Variants in SCOC observed in about 807,000 individuals in gnomAD.
SCOC encodes short coiled coil protein.
Under a neutral mutation model 9.9 loss-of-function variants are expected in SCOC, and 7 were observed. The ratio of observed to expected loss-of-function variants is 0.71; its 90% CI spans 0.40 to 1.33. The LOEUF is 1.33. Among genes scored for constraint, SCOC ranks in the 40% most tolerant of loss-of-function variants. The pLI is 0.01. For missense variants in SCOC, 66 were observed against 89.7 expected, an observed-to-expected ratio of 0.74 and a Z score of 1.07; for synonymous variants, 19 against 28.2, an observed-to-expected ratio of 0.67 and a Z score of 1.03.
At chr4:140,319,671 T>C (rs941154986) in intron 1 of SCOC, among the ~76,000 whole-genome samples, 1 of 152,052 alleles carries the variant, frequency 6.6e-6, no homozygotes, top group Non-Finnish European at 1.5e-5. Context: ...GCTGGAGAAA[T>C]TTAAAATTCT....
Position 140,384,099 on chromosome 4 carries a change from CTT to C in SCOC, c.*2997_*2998del, listed in dbSNP as rs1250361098. 1 of 152,172 alleles carries C rather than the reference CTT, an allele frequency of 6.6e-6. No homozygotes were observed. Among genetic ancestry groups the C allele is most frequent in the African/African-American group, 2.4e-5 (1 of 41,440 alleles). 9.4% of individuals were successfully genotyped at this position (152,172 alleles called of 1,614,324 possible). On this transcript the variant is annotated 3_prime_UTR_variant, in exon 4 of 4. Coordinates refer to ENST00000608372, the MANE Select transcript of SCOC (RefSeq NM_001153484.2). ...TTTCATGAGGTTCCTTGTATCAAAACTTTGTCTATTCCCTTCTATCTTTGCTT... is the reference window on the plus strand; with the variant it reads ...TTTCATGAGGTTCCTTGTATCAAAACTGTCTATTCCCTTCTATCTTTGCTT...
At chr4:140,263,860 A>G (rs1189057577) in intron 1 of SCOC, among the ~76,000 whole-genome samples, 1 of 152,204 alleles carries the variant, frequency 6.6e-6, no homozygotes, top group African/African-American at 2.4e-5. Flanking sequence ...GCTTAGAAAG[A>G]GAAACAGGAC....
intron 2 of SCOC, chr4:140,343,746 A>T: frequency 7.3e-7 from 1 of 1,363,750 alleles, no homozygotes; most frequent in Non-Finnish European, 1.0e-6. Flanking sequence ...ACATACATTC[A>T]ACAACAGCTC....
At chr4:140,273,909 C>T (rs1002463072) in intron 1 of SCOC, among the ~76,000 whole-genome samples, 1 of 152,180 alleles carries the variant, frequency 6.6e-6, no homozygotes, top group Non-Finnish European at 1.5e-5. Flanking sequence ...ATTATAATTA[C>T]TTTTCTTCTG....
intron 1 of SCOC, among the ~76,000 whole-genome samples, chr4:140,322,885 C>T (rs1422955752): frequency 2.2e-4 from 33 of 152,012 alleles, no homozygotes; most frequent in Admixed American, 2.0e-3. Flanking sequence ...AGAATGGCCC[C>T]GAAGGCATTT....
At chr4:140,377,523 ATTAT>A (rs1294389655) in intron 1 of SCOC, among the ~76,000 whole-genome samples, 2 of 152,186 alleles carry the variant, frequency 1.3e-5, no homozygotes, top group Non-Finnish European at 2.9e-5. Context: ...TTTGTAGTTA[ATTAT>A]TTAATAATGT....
At chr4:140,312,050 A>T (rs763196049) in intron 1 of SCOC, among the ~76,000 whole-genome samples, 1 of 152,208 alleles carries the variant, frequency 6.6e-6, no homozygotes, top group Middle Eastern at 3.2e-3. Context: ...GCAAATATGA[A>T]TTGGGATTTA....
intron 1 of SCOC, among the ~76,000 whole-genome samples, chr4:140,316,597 G>A (rs1208981216): frequency 6.6e-6 from 1 of 152,104 alleles, no homozygotes; most frequent in African/African-American, 2.4e-5. Context: ...TGGAAAAAGG[G>A]AGTGAGTGTG....
intron 2 of SCOC, among the ~76,000 whole-genome samples, chr4:140,360,058 G>C (rs1164960422): frequency 6.6e-6 from 1 of 152,158 alleles, no homozygotes; most frequent in African/African-American, 2.4e-5. Flanking sequence ...AAGACTGACA[G>C]GTCCCTTGAG....
At chr4:140,347,203 G>A (rs1041527505) in intron 2 of SCOC, among the ~76,000 whole-genome samples, 3 of 152,046 alleles carry the variant, frequency 2.0e-5, no homozygotes, top group South Asian at 2.1e-4. Context: ...ACATAACAAT[G>A]TTAATAAGAT....
intron 2 of SCOC, among the ~76,000 whole-genome samples, chr4:140,345,218 A>G (rs1726680705): frequency 6.6e-6 from 1 of 151,700 alleles, no homozygotes; most frequent in African/African-American, 2.4e-5. Flanking sequence ...TGGTAGTGAG[A>G]GTGCCGGCAA....
intron 1 of SCOC, chr4:140,291,621 C>T (rs946038845): frequency 1.2e-5 from 5 of 413,566 alleles, no homozygotes; most frequent in African/African-American, 1.0e-4. Flanking sequence ...AAATCAATGA[C>T]CATGTACCAT....
chr4:140,258,769 C>A (rs1560671129), intron 1 of SCOC, among the ~76,000 whole-genome samples: 3 of 152,164 alleles, frequency 2.0e-5, no homozygotes, highest in Non-Finnish European at 4.4e-5. Context: ...GGAACCAAAT[C>A]CAGTGTAGAA....
In SCOC at chr4:140,288,262, T is replaced by C. The variant is rs75405550; in HGVS notation, c.-19+30852T>C. Among the ~76,000 whole-genome samples, 766 of 152,002 alleles carry C rather than the reference T, an allele frequency of 5.0e-3. 3 individuals carry two copies. The highest frequency in any genetic ancestry group is 6.9e-3 in the Non-Finnish European group (468 of 67,968). ...CACACCCACAATTCTATACATACTA[T>C]GTACACGTAGACAAACACATCATAT... is the stretch of plus-strand genomic sequence containing the variant. On this transcript the variant is annotated intron_variant, in intron 1 of 4. Coordinates refer to the SCOC transcript ENST00000394205.
intron 1 of SCOC, among the ~76,000 whole-genome samples, chr4:140,305,097 A>G (rs1381971241): frequency 6.6e-6 from 1 of 152,224 alleles, no homozygotes; most frequent in African/African-American, 2.4e-5. Flanking sequence ...GTACTGAAGG[A>G]AAAACAACCG....
At chr4:140,310,980 T>C (rs890972751) in intron 1 of SCOC, among the ~76,000 whole-genome samples, 3 of 152,232 alleles carry the variant, frequency 2.0e-5, no homozygotes, top group Non-Finnish European at 2.9e-5. Flanking sequence ...TTGAGTGAGA[T>C]GTACCAAGTG....
intron 1 of SCOC, among the ~76,000 whole-genome samples, chr4:140,283,469 T>A (rs896074761): frequency 9.9e-5 from 15 of 152,244 alleles, no homozygotes; most frequent in Middle Eastern, 3.4e-3. Flanking sequence ...ATTTTTTTTT[T>A]AAATGTCCTT....
intron 2 of SCOC, chr4:140,366,518 C>G: frequency 1.9e-6 from 3 of 1,563,098 alleles, no homozygotes; most frequent in Non-Finnish European, 2.6e-6. Context: ...TTCCTCATTG[C>G]CTTCATAACT....
chr4:140,278,726 A>G (rs1731038604), intron 1 of SCOC, among the ~76,000 whole-genome samples: 1 of 152,200 alleles, frequency 6.6e-6, no homozygotes, highest in Non-Finnish European at 1.5e-5. Context: ...TATTCAAATC[A>G]TAGCAGGTGA....
Sources: gnomAD v4.1 joint callset for allele counts (sites outside exome capture counted in the v4.1 genomes callset) on GRCh38, gnomAD v4.1.1 for gene constraint, MANE v1.5 for transcripts, NCBI Gene and HGNC (gene_info 2026-07-23, HGNC 2026-07-21) for gene names.